MYO1D: variants seen among roughly 807,000 people sequenced by gnomAD.
MYO1D encodes the protein unconventional myosin-Id.
A neutral mutation model predicts 122.0 loss-of-function variants in MYO1D; 83 were observed. That is an observed-to-expected ratio of 0.68 (90% CI 0.57 to 0.82). The LOEUF (loss-of-function observed/expected upper bound fraction) is 0.82, where lower values mean the gene tolerates loss of function less well. Among genes scored for constraint, MYO1D ranks in the 40% least tolerant of loss-of-function variants. MYO1D has a pLI of 0.00. For missense variants in MYO1D, 1,157 were observed against 1,269.5 expected (o/e 0.91, Z 1.35); for synonymous variants, 464 against 446.9 (o/e 1.04, Z -0.48).
intron 15 of MYO1D, among the ~76,000 whole-genome samples, chr17:32,716,417 C>T (rs1442597160): frequency 6.6e-6 from 1 of 152,144 alleles, no homozygotes; most frequent in Admixed American, 6.5e-5. Context: ...AATATGAAGG[C>T]AGGGACTTTG....
At chr17:32,854,153 C>G (rs971052400) in intron 1 of MYO1D, among the ~76,000 whole-genome samples, 10 of 152,186 alleles carry the variant, frequency 6.6e-5, no homozygotes, top group African/African-American at 2.2e-4. Context: ...AAAATAAAAT[C>G]TCCTTTTCAC....
chr17:32,786,814 C>T (rs1014433717), intron 1 of MYO1D, among the ~76,000 whole-genome samples: 3 of 151,378 alleles, frequency 2.0e-5, no homozygotes, highest in Admixed American at 6.6e-5. Context: ...AGCAAAACTC[C>T]GTCAAAAAAG....
At chr17:32,741,542 T>C (rs2089772382) in intron 13 of MYO1D, among the ~76,000 whole-genome samples, 1 of 152,300 alleles carries the variant, frequency 6.6e-6, no homozygotes, top group South Asian at 2.1e-4. Context: ...TGCCTTTATT[T>C]GTTGGGTTTA....
chr17:32,759,449 CA>C (rs1438435955), intron 10 of MYO1D, among the ~76,000 whole-genome samples: 1 of 151,904 alleles, frequency 6.6e-6, no homozygotes, highest in Non-Finnish European at 1.5e-5. Context: ...TATTGGATAA[CA>C]AAAAACAAAT....
chr17:32,832,169 A>G (rs1243444873), intron 1 of MYO1D, among the ~76,000 whole-genome samples: 1 of 151,504 alleles, frequency 6.6e-6, no homozygotes, highest in East Asian at 1.9e-4. Flanking sequence ...GCAATGGTAC[A>G]ATCATGGCTC....
intron 16 of MYO1D, among the ~76,000 whole-genome samples, chr17:32,708,120 G>T (rs2150984498): frequency 6.6e-6 from 1 of 152,276 alleles, no homozygotes; most frequent in East Asian, 1.9e-4. Context: ...ATAGTCTTGA[G>T]GACTCTCGAC....
intron 16 of MYO1D, among the ~76,000 whole-genome samples, chr17:32,695,828 T>C (rs2089164453): frequency 6.6e-6 from 1 of 152,242 alleles, no homozygotes; most frequent in African/African-American, 2.4e-5. Context: ...TTAGTGAACT[T>C]AAAAATGTGC....
chr17:32,745,194 TA>T lies in MYO1D; in HGVS notation c.1613+16del. Reference sequence around the variant, plus strand: ...ATGAGCTTAATCTAGAGTTAATTAATAAAATTTCAATCTTACCTGTTATACA... The same window carrying T: ...ATGAGCTTAATCTAGAGTTAATTAATAAATTTCAATCTTACCTGTTATACA... On this transcript the variant is annotated intron_variant, in intron 13 of 21. Transcript: ENST00000318217. The T allele has an allele frequency of 7.4e-7, 1 of 1,354,034 alleles. No homozygotes were observed. Among genetic ancestry groups the T allele is most frequent in the Non-Finnish European group, 1.0e-6 (1 of 957,956 alleles). 83.9% of individuals were successfully genotyped at this position (1,354,034 alleles called of 1,614,324 possible).
chr17:32,589,176 A>G (rs1195037554), intron 21 of MYO1D, among the ~76,000 whole-genome samples: 4 of 152,338 alleles, frequency 2.6e-5, no homozygotes, highest in Admixed American at 2.6e-4. Flanking sequence ...TCTGATGGCC[A>G]CAAGGTGGCC....
chr17:32,644,319 G>A (rs1443380898), intron 19 of MYO1D, among the ~76,000 whole-genome samples: 1 of 152,182 alleles, frequency 6.6e-6, no homozygotes, highest in African/African-American at 2.4e-5. Context: ...TTGTTGAGGA[G>A]TGCTTTACTT....
At chr17:32,701,729 A>G (rs2089251210) in intron 16 of MYO1D, among the ~76,000 whole-genome samples, 1 of 151,996 alleles carries the variant, frequency 6.6e-6, no homozygotes, top group Non-Finnish European at 1.5e-5. Flanking sequence ...TGCTCAGTTA[A>G]TATTTTATTT....
rs775581238 is a variant in MYO1D at position 32,494,768 on chromosome 17, G to A, written c.3012C>T (p.Pro1004=). The A allele has an allele frequency of 2.2e-5, 35 of 1,603,486 alleles. No individual in the cohort carries two copies. Among genetic ancestry groups the A allele is most frequent in the African/African-American group, 1.6e-4 (12 of 74,620 alleles). The change falls in exon 22 of 22, where the codon CCC becomes CCT. Residue 1004 remains proline (P), a synonymous_variant. Coordinates refer to ENST00000318217, the MANE Select transcript of MYO1D (RefSeq NM_015194.3). ...KNRSGFILSV[P]GN is the part of the protein sequence containing the mutation. ...AGGCCTCCGCGGGGCGTCAGTTCCC[G>A]GGCACGCTGAGGATGAAGCCCGAGC...
intron 10 of MYO1D, among the ~76,000 whole-genome samples, chr17:32,757,701 C>A (rs1336371268): frequency 1.3e-5 from 2 of 152,080 alleles, no homozygotes; most frequent in African/African-American, 4.8e-5. Context: ...CCTAAAATCC[C>A]AATTATATTA....
At chr17:32,542,018 AG>A (rs1910851652) in intron 21 of MYO1D, among the ~76,000 whole-genome samples, 1 of 151,938 alleles carries the variant, frequency 6.6e-6, no homozygotes, top group Non-Finnish European at 1.5e-5. Context: ...AGCTCCCCCA[AG>A]GGCTCTGAGA....
intron 21 of MYO1D, among the ~76,000 whole-genome samples, chr17:32,520,629 C>G (rs527942081): frequency 6.6e-6 from 1 of 152,252 alleles, no homozygotes; most frequent in East Asian, 1.9e-4. Context: ...CTGCCCTGCT[C>G]GCGCTGCTGT....
In MYO1D at chr17:32,588,166, T is replaced by C. The variant is rs146100873; in HGVS notation, c.2864+16921A>G. Among the ~76,000 whole-genome samples the C allele has an allele frequency of 5.8e-4, 89 of 152,304 alleles. 1 individual carries two copies. The East Asian group carries it at 0.016, about 27-fold the overall frequency. On this transcript the variant is annotated intron_variant, in intron 21 of 21. Coordinates refer to ENST00000318217, the MANE Select transcript of MYO1D (RefSeq NM_015194.3). ...AAAGTCCCCATAGGAAATGCTAAAA[T>C]CTGTGGATTTTGACAGTTCCTGGTT...
At chr17:32,581,591 C>T (rs368548026) in intron 21 of MYO1D, among the ~76,000 whole-genome samples, 20 of 150,332 alleles carry the variant, frequency 1.3e-4, no homozygotes, top group East Asian at 9.8e-4. Flanking sequence ...TTTTTTTTCC[C>T]GACAGGGCCT....
chr17:32,722,881 T>C (rs954020667), intron 14 of MYO1D, among the ~76,000 whole-genome samples: 3 of 152,116 alleles, frequency 2.0e-5, no homozygotes, highest in Non-Finnish European at 2.9e-5. Context: ...GGCATCTAGA[T>C]AGCTTCAGGA....
intron 14 of MYO1D, among the ~76,000 whole-genome samples, chr17:32,735,123 C>CACAT (rs2089685305): frequency 1.3e-5 from 2 of 148,950 alleles, no homozygotes. Context: ...CACACACACA[C>CACAT]GAACCCAAAA....
Sources: allele counts gnomAD v4.1 joint callset (sites outside exome capture counted in the v4.1 genomes callset), GRCh38; gene constraint gnomAD v4.1.1; transcripts MANE v1.5; gene names NCBI Gene and HGNC (gene_info 2026-07-23, HGNC 2026-07-21).